The following TRPM3 variants were observed in gnomAD, a reference collection of about 807,000 sequenced individuals.
TRPM3 encodes the protein transient receptor potential cation channel subfamily M member 3.
In TRPM3, 77 loss-of-function variants were observed where a neutral mutation model predicts 181.2. The ratio of observed to expected loss-of-function variants is 0.42; its 90% confidence interval spans 0.35 to 0.51. The LOEUF is 0.51. TRPM3 is among the 20% of genes least tolerant of loss of function. The probability of loss-of-function intolerance (pLI) is 0.01; values close to 1 mark genes in which losing one functional copy is unlikely to be tolerated. For synonymous variants in TRPM3, 745 were observed against 796.4 expected (o/e 0.94, Z 1.09); for missense variants, 1,759 against 2,196.7 (o/e 0.80, Z 3.98).
intron 1 of TRPM3, among the ~76,000 whole-genome samples, chr9:71,261,571 G>A (rs1218066836): frequency 2.0e-5 from 3 of 152,120 alleles, no homozygotes; most frequent in Admixed American, 1.3e-4. Flanking sequence ...GTGATCCTTT[G>A]GAGAAGAAGC....
At chr9:71,307,227 A>G (rs1370320092) in intron 1 of TRPM3, among the ~76,000 whole-genome samples, 2 of 151,934 alleles carry the variant, frequency 1.3e-5, no homozygotes, top group Non-Finnish European at 2.9e-5. Context: ...CTTCATGGAA[A>G]TCTCATCATT....
chr9:70,921,412 A>G (rs946737912), intron 1 of TRPM3, among the ~76,000 whole-genome samples: 1 of 152,222 alleles, frequency 6.6e-6, no homozygotes, highest in South Asian at 2.1e-4. Flanking sequence ...TAACTCATCC[A>G]TGTGAGATTC....
chr9:71,106,311 T>C (rs2069549191), intron 1 of TRPM3, among the ~76,000 whole-genome samples: 1 of 152,096 alleles, frequency 6.6e-6, no homozygotes, highest in South Asian at 2.1e-4. Flanking sequence ...GTGTTGGAAA[T>C]GGGGCCGGGG....
intron 5 of TRPM3, among the ~76,000 whole-genome samples, chr9:70,835,048 A>G (rs1306778077): frequency 6.6e-6 from 1 of 152,098 alleles, no homozygotes; most frequent in Non-Finnish European, 1.5e-5. Flanking sequence ...GTCAGTGCAC[A>G]TGAGAGCTCT....
intron 9 of TRPM3, among the ~76,000 whole-genome samples, chr9:70,652,371 G>A (rs985854963): frequency 6.6e-6 from 1 of 152,058 alleles, no homozygotes; most frequent in African/African-American, 2.4e-5. Context: ...AGGGTTGGAG[G>A]CAGACCTAGA....
chr9:71,226,854 C>A (rs913023802), intron 1 of TRPM3, among the ~76,000 whole-genome samples: 3 of 151,736 alleles, frequency 2.0e-5, no homozygotes, highest in Admixed American at 1.3e-4. Flanking sequence ...ACAACAACAA[C>A]AAAAAATCAA....
intron 1 of TRPM3, among the ~76,000 whole-genome samples, chr9:71,274,146 A>G (rs1167328535): frequency 6.6e-6 from 1 of 152,122 alleles, no homozygotes; most frequent in Non-Finnish European, 1.5e-5. Flanking sequence ...GCCTCAGACC[A>G]CTTCCACTGT....
chr9:71,337,613 C>G (rs758953960), intron 1 of TRPM3, among the ~76,000 whole-genome samples: 17 of 152,124 alleles, frequency 1.1e-4, no homozygotes, highest in Non-Finnish European at 2.4e-4. Context: ...CATAGTTCTA[C>G]TATAAAGACA....
intron 1 of TRPM3, among the ~76,000 whole-genome samples, chr9:71,345,842 G>T (rs898284045): frequency 2.6e-5 from 4 of 152,148 alleles, no homozygotes; most frequent in African/African-American, 7.2e-5. Flanking sequence ...TCAGGGAAAT[G>T]CAAATTAAAA....
chr9:71,262,240 T>G (rs2083106606), intron 1 of TRPM3, among the ~76,000 whole-genome samples: 1 of 152,176 alleles, frequency 6.6e-6, no homozygotes, highest in Non-Finnish European at 1.5e-5. Context: ...AGAGAGGCAG[T>G]CTGGCTATAG....
chr9:70,650,016 A>T (rs1190211315), intron 9 of TRPM3, among the ~76,000 whole-genome samples: 1 of 152,182 alleles, frequency 6.6e-6, no homozygotes, highest in African/African-American at 2.4e-5. Context: ...AGCAATATGG[A>T]TGCAGCTGGA....
chr9:70,912,248 A>T (rs2096545494), intron 1 of TRPM3, among the ~76,000 whole-genome samples: 1 of 152,196 alleles, frequency 6.6e-6, no homozygotes, highest in African/African-American at 2.4e-5. Context: ...TGTTCCAGGC[A>T]CTTTATAATT....
At chr9:70,985,600 T>C (rs970576400) in intron 1 of TRPM3, among the ~76,000 whole-genome samples, 1 of 152,226 alleles carries the variant, frequency 6.6e-6, no homozygotes, top group African/African-American at 2.4e-5. Flanking sequence ...AAATAAAAGT[T>C]GTCTTCTAAA....
chr9:70,557,882 A>C (rs954357306), intron 22 of TRPM3, among the ~76,000 whole-genome samples: 7 of 152,140 alleles, frequency 4.6e-5, no homozygotes, highest in African/African-American at 1.4e-4. Context: ...CTTCTAGTGG[A>C]TATTGACTGG....
chr9:70,793,734 A>G (rs11142598), intron 6 of TRPM3: 91,371 of 442,820 alleles, frequency 0.21, 11,637 homozygotes, highest in East Asian at 0.48. Context: ...CCTCACTTAG[A>G]ATGATTCAAC....
At chr9:71,280,078 CAAAAA>C (rs36019274) in intron 1 of TRPM3, among the ~76,000 whole-genome samples, 2 of 105,734 alleles carry the variant, frequency 1.9e-5, no homozygotes, top group Non-Finnish European at 2.0e-5. Flanking sequence ...AACTCCATCT[CAAAAA>C]AAAAAAAAAA....
intron 19 of TRPM3, among the ~76,000 whole-genome samples, chr9:70,606,605 T>C (rs970544780): frequency 4.0e-5 from 6 of 150,902 alleles, no homozygotes; most frequent in African/African-American, 1.5e-4. Flanking sequence ...TTGCTGTAGA[T>C]TATCTTGACA....
chr9:70,776,635 G>A, intron 7 of TRPM3: 1 of 548,162 alleles, frequency 1.8e-6, no homozygotes, highest in South Asian at 2.3e-5. Flanking sequence ...TTTCAGGGAA[G>A]AATGTTCAAG....
At chr9:70,917,331 C>A in intron 1 of TRPM3, 3 of 1,212,440 alleles carry the variant, frequency 2.5e-6, no homozygotes, top group South Asian at 2.4e-5. Flanking sequence ...AATATTGCTC[C>A]AGAATATGGA....
Sources: gnomAD v4.1 joint callset for allele counts (sites outside exome capture counted in the v4.1 genomes callset) on GRCh38, gnomAD v4.1.1 for gene constraint, MANE v1.5 for transcripts, NCBI Gene and HGNC (gene_info 2026-07-23, HGNC 2026-07-21) for gene names.